PINLYP: variants seen among roughly 807,000 people sequenced by gnomAD.
PINLYP encodes phospholipase A2 inhibitor and Ly6/PLAUR domain-containing protein.
Under a neutral mutation model 15.8 loss-of-function variants are expected in PINLYP, and 12 were observed. The observed-to-expected ratio is 0.76, with a 90% CI of 0.49 to 1.23. PINLYP has a LOEUF of 1.23. Among genes scored for constraint, PINLYP ranks in the 50% most tolerant of loss-of-function variants. The pLI is 0.00. For missense variants in PINLYP, 278 were observed against 264.2 expected (o/e 1.05, Z -0.36); for synonymous variants, 93 against 97.7 (o/e 0.95, Z 0.28).
At chr19:43,577,303 A>G in intron 2 of PINLYP, 42 bp downstream of exon 2, 3 of 1,521,952 alleles carry the variant, frequency 2.0e-6, no homozygotes, top group Non-Finnish European at 2.6e-6. Flanking sequence ...GACCTCAGGA[A>G]GAGAGAGGTC....
chr19:43,575,595 C>A, upstream of PINLYP: 1 of 853,146 alleles, frequency 1.2e-6, no homozygotes, highest in Non-Finnish European at 1.7e-6. Flanking sequence ...GCCTTTCAAA[C>A]CCCGGCGCGC....
In PINLYP at chr19:43,577,108, C is replaced by T; in HGVS notation, c.-77-7C>T. Reference sequence around the variant, plus strand: ...TGGGTTCTGACCTCAGCTATTTCTCCCCGTAGGGTGAATGTGGGTCCAGAC... The same window carrying T: ...TGGGTTCTGACCTCAGCTATTTCTCTCCGTAGGGTGAATGTGGGTCCAGAC... On this transcript the variant is annotated splice_polypyrimidine_tract_variant and splice_region_variant and intron_variant, in intron 1 of 5. Coordinates refer to ENST00000599207, the Ensembl canonical transcript of PINLYP. 2.0e-6 allele frequency: 3 copies of T among 1,535,176 alleles called. No homozygotes were observed. The highest frequency in any genetic ancestry group is 2.6e-6 in the Non-Finnish European group (3 of 1,146,638).
At chr19:43,575,587 CT>C, upstream of PINLYP, 2 of 977,120 alleles carry the variant, frequency 2.0e-6, no homozygotes, top group East Asian at 3.0e-5. Context: ...AGGCTCGGGC[CT>C]TTCAAACCCC....
chr19:43,581,675 C>T (rs11407), exon 5 of PINLYP: 267,926 of 1,536,098 alleles, frequency 0.17, 24,610 homozygotes, highest in Non-Finnish European at 0.19. Context: ...AAAACCACTG[C>T]GTCTCCTTAT....
intron 3 of PINLYP, chr19:43,580,651 C>A (rs1015603291): frequency 1.7e-5 from 17 of 985,424 alleles, no homozygotes; most frequent in Non-Finnish European, 3.6e-6. Flanking sequence ...GTGGAAGGGA[C>A]CACATCCAGC....
chr19:43,580,199 G>T (rs17655484), intron 3 of PINLYP, among the ~76,000 whole-genome samples: 15,448 of 152,082 alleles, frequency 0.1, 931 homozygotes, highest in Admixed American at 0.15. Context: ...TGAAAGGCTT[G>T]AAGAGAACCC....
chr19:43,580,107 G>T (rs1384926873), intron 3 of PINLYP, among the ~76,000 whole-genome samples: 1 of 152,148 alleles, frequency 6.6e-6, no homozygotes, highest in African/African-American at 2.4e-5. Flanking sequence ...GGTGCAGGGA[G>T]AAAACACTGG....
exon 6 of PINLYP, chr19:43,582,015 C>T: frequency 6.5e-7 from 1 of 1,535,684 alleles, no homozygotes; most frequent in Non-Finnish European, 8.7e-7. Context: ...GCTATCTGAA[C>T]AGAGGAAGAT....
chr19:43,582,091 T>C (rs1160015490), exon 6 of PINLYP: 1 of 1,428,170 alleles, frequency 7.0e-7, no homozygotes, highest in Non-Finnish European at 9.5e-7. Flanking sequence ...AAGAAGTTAA[T>C]AGAGCAAGCC....
chr19:43,576,139 G>C (rs914763387), exon 1 of PINLYP: 1 of 152,114 alleles, frequency 6.6e-6, no homozygotes, highest in African/African-American at 2.4e-5. Flanking sequence ...GACTGGTCTC[G>C]AACTCCTCAG....
intron 3 of PINLYP, 90 bp from the exon 4 acceptor site, chr19:43,581,122 G>T: frequency 1.5e-6 from 2 of 1,338,038 alleles, no homozygotes; most frequent in South Asian, 1.5e-5. Flanking sequence ...GTGGGGTTGG[G>T]GAGGCCTAGG....
rs930069974 is a variant in PINLYP, at chr19:43,578,764, G to C, written c.187+58G>C. 6.1e-6 allele frequency: 8 copies of C among 1,304,426 alleles called. No homozygotes were observed. In the African/African-American group the frequency reaches 8.8e-5, roughly 14 times the overall value. The allele number at this position is 1,304,426 out of a possible 1,614,324, so 80.8% of individuals were successfully genotyped here. A position where few individuals can be genotyped will look rare whatever the true frequency, so the allele number is the denominator to read the frequency against. On this transcript the variant is annotated intron_variant, in intron 3 of 5. Transcript: ENST00000599207. Reference sequence around the variant, plus strand: ...GGTGGGGTGTACCTTCAGGGTGGAAGAGACTACCATGCTGAGGGGGGATCA... The same window carrying C: ...GGTGGGGTGTACCTTCAGGGTGGAACAGACTACCATGCTGAGGGGGGATCA...
At chr19:43,580,568 C>T in intron 3 of PINLYP, 1 of 961,932 alleles carries the variant, frequency 1.0e-6, no homozygotes, top group South Asian at 4.9e-5. Flanking sequence ...TGGGGGTGGC[C>T]ATAGGCGGCC....
rs61744351 is a variant in PINLYP, at chr19:43,581,660, A to G, written c.438A>G (p.Gly146=). The G allele has an allele frequency of 3.0e-4, 464 of 1,536,400 alleles. 2 individuals carry two copies. The African/African-American group carries it at 5.1e-3, about 17-fold the overall frequency. ...TGGGGCCCATGACCCACTGTACTGG[A>G]AAGGAAAACCACTGCGTCTCCTTAT... Residue 146 remains glycine (G), a synonymous_variant, in exon 5 of 6, where the codon GGA becomes GGG. Coordinates refer to ENST00000599207, the Ensembl canonical transcript of PINLYP.
chr19:43,581,187 G>C (rs974838685), intron 3 of PINLYP, 25 bp from the exon 4 acceptor site: 4 of 1,535,126 alleles, frequency 2.6e-6, no homozygotes, highest in African/African-American at 1.4e-5. Context: ...AGCCAGCACT[G>C]TCCCTGCCTG....
intron 2 of PINLYP, among the ~76,000 whole-genome samples, chr19:43,578,377 G>T (rs1284667581): frequency 6.6e-6 from 1 of 152,120 alleles, no homozygotes; most frequent in African/African-American, 2.4e-5. Context: ...TGGTGGAGTC[G>T]CTTCCCGCCC....
intron 3 of PINLYP, 110 bp from the exon 4 acceptor site, chr19:43,581,102 C>A: frequency 1.7e-6 from 2 of 1,189,338 alleles, no homozygotes; most frequent in Non-Finnish European, 2.3e-6. Context: ...AGAGACCATC[C>A]CAGGAAGTTG....
chr19:43,581,709 T>A lies in PINLYP; in HGVS notation c.481+6T>A. ...ATCTGGACACGTGCAGGCTGGTGAG[T>A]GGTGCCTGAATCTCTGGAAAAGGAA... On this transcript the variant is annotated splice_donor_region_variant and intron_variant, in intron 5 of 5. Transcript: ENST00000599207. 1 of 1,535,870 alleles carries A rather than the reference T, an allele frequency of 6.5e-7. No individual in the cohort carries two copies. Among genetic ancestry groups the A allele is most frequent in the Non-Finnish European group, 8.7e-7 (1 of 1,146,822 alleles).
At chr19:43,579,041 C>A in intron 3 of PINLYP, 1 of 286,214 alleles carries the variant, frequency 3.5e-6, no homozygotes, top group Non-Finnish European at 6.9e-6. Context: ...GGGGAAGAAT[C>A]TAACTGGCAG....
Sources: allele counts gnomAD v4.1 joint callset (sites outside exome capture counted in the v4.1 genomes callset), GRCh38; gene constraint gnomAD v4.1.1; transcripts MANE v1.5; gene names NCBI Gene and HGNC (gene_info 2026-07-23, HGNC 2026-07-21).